PCNT: variants seen among roughly 807,000 people sequenced by gnomAD.
PCNT encodes kendrin.
Under a neutral mutation model 380.4 loss-of-function variants are expected in PCNT, and 319 were observed. The observed-to-expected ratio is 0.84, with a 90% CI of 0.77 to 0.92. The LOEUF (loss-of-function observed/expected upper bound fraction) is 0.92, where lower values mean the gene tolerates loss of function less well. Ranked by LOEUF, PCNT falls within the 40% of genes least tolerant of loss-of-function variation. The pLI, the probability that PCNT is intolerant of heterozygous loss-of-function variation, is 0.00. For synonymous variants in PCNT, 1,845 were observed against 1,735.2 expected (o/e 1.06, Z -1.57); for missense variants, 4,400 against 4,255.3 (o/e 1.03, Z -0.95).
intron 29 of PCNT, among the ~76,000 whole-genome samples, chr21:46,414,525 C>CCTG (rs973514745): frequency 1.4e-5 from 2 of 144,822 alleles, no homozygotes; most frequent in African/African-American, 2.6e-5. Flanking sequence ...AACCACCCAC[C>CCTG]CTGCTCCTCC....
intron 15 of PCNT, among the ~76,000 whole-genome samples, chr21:46,371,852 G>A (rs1224038025): frequency 6.9e-6 from 1 of 145,766 alleles, no homozygotes; most frequent in Middle Eastern, 3.9e-3. Flanking sequence ...CAGCACATGT[G>A]CACACAGCAT....
At chr21:46,332,580 TC>T (rs1025413519) in intron 2 of PCNT, among the ~76,000 whole-genome samples, 1 of 152,220 alleles carries the variant, frequency 6.6e-6, no homozygotes, top group African/African-American at 2.4e-5. Flanking sequence ...GACTACTGTG[TC>T]CCCTTTTCGT....
chr21:46,339,415 A>C (rs1980469481), intron 3 of PCNT, among the ~76,000 whole-genome samples: 1 of 152,198 alleles, frequency 6.6e-6, no homozygotes. Flanking sequence ...GGATAGATAG[A>C]CATATAAAGG....
chr21:46,330,092 A>T (rs902527295), intron 2 of PCNT, among the ~76,000 whole-genome samples: 12 of 152,060 alleles, frequency 7.9e-5, no homozygotes, highest in African/African-American at 2.9e-4. Context: ...TCAGGTATTA[A>T]CCCCTATTGG....
chr21:46,437,137 C>T (rs1260064328), intron 40 of PCNT, 56 bp downstream of exon 40: 7 of 1,150,702 alleles, frequency 6.1e-6, no homozygotes, highest in Non-Finnish European at 9.1e-6. Context: ...GAGGGGCCCT[C>T]TCGGCAGCTT....
At chr21:46,418,353 C>T (rs766040018) in intron 31 of PCNT, 47 bp downstream of exon 31, 2 of 1,128,298 alleles carry the variant, frequency 1.8e-6, no homozygotes, top group Non-Finnish European at 2.7e-6. Context: ...CAGTGGTTTC[C>T]TAGCACAGAA....
intron 11 of PCNT, 86 bp downstream of exon 11, chr21:46,354,154 T>A (rs1156877266): frequency 8.4e-7 from 1 of 1,197,114 alleles, no homozygotes; most frequent in Non-Finnish European, 1.2e-6. Flanking sequence ...AGCCTGTGTT[T>A]CCGTCCTTCC....
chr21:46,397,512 T>C lies in PCNT; in HGVS notation c.4446+18T>C. 1 of 1,598,576 alleles carries C rather than the reference T, an allele frequency of 6.3e-7. No homozygotes were observed. The highest frequency in any genetic ancestry group is 8.6e-7 in the Non-Finnish European group (1 of 1,166,676). On this transcript the variant is annotated intron_variant, in intron 22 of 46. Transcript: ENST00000359568. ...TCATGGATGTAAGAATTCTGAATAA[T>C]ACATTTTTTTGCATCACTAAAAGTT...
chr21:46,424,373 A>G lies in PCNT; in HGVS notation c.7180-1458A>G, dbSNP rs1438476723. ...GAGCCGCCTGGTCCTGAGTGTGGAG[A>G]TGGCAGAACCTTCTCAGCCCTAGTG... is the stretch of plus-strand genomic sequence containing the variant. On this transcript the variant is annotated intron_variant, in intron 32 of 46. Transcript: ENST00000359568. Among the ~76,000 whole-genome samples, 5 of 152,164 alleles carry G rather than the reference A, an allele frequency of 3.3e-5. No individual in the cohort carries two copies. In the South Asian group the frequency reaches 6.2e-4, roughly 19 times the overall value.
chr21:46,416,795 G>A lies in PCNT; in HGVS notation c.6877G>A (p.Glu2293Lys), dbSNP rs753722099. 1 of 1,600,850 alleles carries A rather than the reference G, an allele frequency of 6.2e-7. No individual in the cohort carries two copies. The highest frequency in any genetic ancestry group is 8.5e-7 in the Non-Finnish European group (1 of 1,179,304). Reference protein sequence around the residue: ...SAAALALQWAESPPADDHHVQ... With the variant: ...SAAALALQWAKSPPADDHHVQ... ...AGCAGCGCTGGCACTGCAGTGGGCCGAGTCTCCGCCGGCTGACGACCACCA... is the reference window on the plus strand; with the variant it reads ...AGCAGCGCTGGCACTGCAGTGGGCCAAGTCTCCGCCGGCTGACGACCACCA... The change falls in exon 30 of 47, where the codon GAG (glutamate) becomes AAG (lysine). Residue 2293 changes from glutamate (E) to lysine (K), a missense_variant. Transcript: ENST00000359568.
At chr21:46,334,908 A>G in intron 3 of PCNT, 140 bp downstream of exon 3, 1 of 1,375,886 alleles carries the variant, frequency 7.3e-7, no homozygotes. Flanking sequence ...AGAGAGCTGG[A>G]GGCAGAGGCT....
chr21:46,399,397 GGTCTAGGTCTCCCTGTGCAGTCTTTGC>G (rs2086344318), intron 24 of PCNT, among the ~76,000 whole-genome samples, 166 bp from the exon 25 acceptor site: 1 of 129,688 alleles, frequency 7.7e-6, no homozygotes, highest in Non-Finnish European at 1.6e-5. Context: ...GCAGCCTGTG[GGTCTAGGTCTCCCTGTGCAGTCTTTGC>G]GTCTGGGTCT....
Position 46,431,644 on chromosome 21 carries a change from C to T in PCNT, c.8180C>T (p.Ser2727Leu). The T allele has an allele frequency of 6.2e-7, 1 of 1,613,880 alleles. No homozygotes were observed. The highest frequency in any genetic ancestry group is 1.1e-5 in the South Asian group (1 of 91,082). Residue 2727 changes from serine to leucine, a missense_variant, in exon 38 of 47, where the codon TCA becomes TTA. Physicochemically the swap from Ser to Leu is moderately radical, Grantham distance 145 (BLOSUM62 -2). Coordinates refer to ENST00000359568, the MANE Select transcript of PCNT (RefSeq NM_006031.6). ...NLQKELRIEH[S>L]RCEALLAQER... ...CAGAAGGAGCTGCGTATCGAGCACT[C>T]ACGCTGCGAGGCCTTGCTGGCTCAG...
chr21:46,444,731 C>T lies in PCNT; in HGVS notation c.9877C>T (p.Leu3293=), dbSNP rs1807970284. ...PSPNSRLERS[L]TASQDPEHSL... is the part of the protein sequence containing the mutation. ...CCCAAATTCAAGATTAGAAAGATCC[C>T]TGACTGCTTCTCAAGATCCAGAACA... The change falls in exon 46 of 47, where the codon CTG becomes TTG. Residue 3293 remains leucine, a synonymous_variant. Coordinates refer to ENST00000359568, the MANE Select transcript of PCNT (RefSeq NM_006031.6). The T allele has an allele frequency of 6.2e-7, 1 of 1,613,052 alleles. No homozygotes were observed. The highest frequency in any genetic ancestry group is 1.3e-5 in the African/African-American group (1 of 74,750).
chr21:46,438,112 G>A, intron 40 of PCNT, 52 bp from the exon 41 acceptor site: 4 of 1,418,102 alleles, frequency 2.8e-6, no homozygotes, highest in Non-Finnish European at 3.0e-6. Flanking sequence ...CACAAGTAAT[G>A]TTCATGCCCT....
chr21:46,389,287 T>A lies in PCNT; in HGVS notation c.3696T>A (p.Ala1232=). 6.2e-7 allele frequency: 1 copy of A among 1,614,242 alleles called. No individual in the cohort carries two copies. Among genetic ancestry groups the A allele is most frequent in the Non-Finnish European group, 8.5e-7 (1 of 1,180,040 alleles). ...AATGTGCAGAGATGTCTTCCGTGGC[T>A]GAAATTAGCAGCCACATGCGTGAAA... The part of the protein sequence containing the change: ...LSECAEMSSV[A]EISSHMRESF... Residue 1232 remains alanine (A), a synonymous_variant, in exon 19 of 47, where the codon GCT becomes GCA. Coordinates refer to ENST00000359568, the MANE Select transcript of PCNT (RefSeq NM_006031.6).
intron 15 of PCNT, among the ~76,000 whole-genome samples, chr21:46,377,879 A>G (rs1020029567): frequency 1.3e-4 from 20 of 150,168 alleles, no homozygotes; most frequent in Non-Finnish European, 2.8e-4. Context: ...GAAGAAAACA[A>G]GAAACTCCCC....
chr21:46,406,526 G>T (rs934188202), intron 27 of PCNT, among the ~76,000 whole-genome samples: 3 of 152,068 alleles, frequency 2.0e-5, no homozygotes, highest in Non-Finnish European at 2.9e-5. Flanking sequence ...ATTCCTGAAG[G>T]CTTTTTATGT....
intron 2 of PCNT, among the ~76,000 whole-genome samples, chr21:46,334,146 A>G (rs972193829): frequency 6.6e-6 from 1 of 151,336 alleles, no homozygotes; most frequent in Admixed American, 6.6e-5. Context: ...CGGAGATTGC[A>G]GTGAGCTGAG....
Sources: allele counts gnomAD v4.1 joint callset (sites outside exome capture counted in the v4.1 genomes callset), GRCh38; gene constraint gnomAD v4.1.1; transcripts MANE v1.5; gene names NCBI Gene and HGNC (gene_info 2026-07-23, HGNC 2026-07-21).